The following MARCHF10 variants were observed in gnomAD, a reference collection of about 807,000 sequenced individuals.
MARCHF10 encodes the protein probable E3 ubiquitin-protein ligase MARCHF10.
A neutral mutation model predicts 76.2 loss-of-function variants in MARCHF10; 64 were observed. That is an observed-to-expected ratio of 0.84 (90% CI 0.69 to 1.03). MARCHF10 has a LOEUF of 1.03. Ranked by LOEUF, MARCHF10 falls within the 50% of genes least tolerant of loss-of-function variation. MARCHF10 has a pLI of 0.00. For synonymous variants in MARCHF10, 340 were observed against 357.5 expected, an observed-to-expected ratio of 0.95 and a Z score of 0.55; for missense variants, 875 against 958.0, an observed-to-expected ratio of 0.91 and a Z score of 1.14.
chr17:62,788,405 T>TCACACA, intron 3 of MARCHF10, 75 bp downstream of exon 3: 1 of 1,521,862 alleles, frequency 6.6e-7, no homozygotes, highest in Non-Finnish European at 9.0e-7. Context: ...TTTTCCTACA[T>TCACACA]CACACACACA....
Position 62,801,637 on chromosome 17 carries a change from T to C in MARCHF10, c.90+9A>G, listed in dbSNP as rs780301834. 5 of 1,611,672 alleles carry C rather than the reference T, an allele frequency of 3.1e-6. No homozygotes were observed. The highest frequency in any genetic ancestry group is 1.1e-5 in the South Asian group (1 of 91,052). On this transcript the variant is annotated intron_variant, in intron 2 of 10. Coordinates refer to ENST00000311269, the MANE Select transcript of MARCHF10 (RefSeq NM_152598.4). ...AAGGCAGAAGACCATTCTTGCTTTCTGCAATTACCTGATACTCAGAGTCCA... is the reference window on the plus strand; with the variant it reads ...AAGGCAGAAGACCATTCTTGCTTTCCGCAATTACCTGATACTCAGAGTCCA...
chr17:62,791,354 A>T (rs2092839082), intron 2 of MARCHF10, among the ~76,000 whole-genome samples: 1 of 152,232 alleles, frequency 6.6e-6, no homozygotes, highest in African/African-American at 2.4e-5. Flanking sequence ...GAAAATGCTG[A>T]TGGGCTGAAA....
At chr17:62,717,260 C>A (rs992264684) in intron 8 of MARCHF10, among the ~76,000 whole-genome samples, 1 of 152,224 alleles carries the variant, frequency 6.6e-6, no homozygotes, top group African/African-American at 2.4e-5. Context: ...AGCCCTCAGC[C>A]GCCTCCAGAC....
Position 62,760,088 on chromosome 17 carries a change from T to G in MARCHF10, c.211-82A>C, listed in dbSNP as rs150840368. The G allele has an allele frequency of 4.4e-6, 5 of 1,133,912 alleles. No homozygotes were observed. In the East Asian group the frequency reaches 1.2e-4, roughly 27 times the overall value. The allele number at this position is 1,133,912 out of a possible 1,614,324, so 70.2% of individuals were successfully genotyped here. A position where few individuals can be genotyped will look rare whatever the true frequency, so the allele number is the denominator to read the frequency against. ...GCAGAGAAAACAGAAATGAGGCAAATGCAGTGACCCTCTCCAGCAATAATC... is the reference window on the plus strand; with the variant it reads ...GCAGAGAAAACAGAAATGAGGCAAAGGCAGTGACCCTCTCCAGCAATAATC... On this transcript the variant is annotated intron_variant, in intron 3 of 10. Transcript: ENST00000311269.
Position 62,791,276 on chromosome 17 carries a change from G to A in MARCHF10, c.91-2677C>T, listed in dbSNP as rs562276852. Among the ~76,000 whole-genome samples the A allele has an allele frequency of 1.7e-4, 26 of 152,306 alleles. No homozygotes were observed. In the South Asian group the frequency reaches 1.9e-3, roughly 11 times the overall value. On this transcript the variant is annotated intron_variant, in intron 2 of 10. Coordinates refer to ENST00000311269, the MANE Select transcript of MARCHF10 (RefSeq NM_152598.4). ...TTGTGTTTGGAAAGAGCACTGGCGTGGAGTGTTGTTTCCGAAAGGGGCAGA... is the reference window on the plus strand; with the variant it reads ...TTGTGTTTGGAAAGAGCACTGGCGTAGAGTGTTGTTTCCGAAAGGGGCAGA...
Position 62,701,557 on chromosome 17 carries a change from A to G in MARCHF10, c.*146T>C, listed in dbSNP as rs2147507335. 2 of 1,550,484 alleles carry G rather than the reference A, an allele frequency of 1.3e-6. No homozygotes were observed. The highest frequency in any genetic ancestry group is 2.4e-5 in the South Asian group (2 of 84,106). On this transcript the variant is annotated 3_prime_UTR_variant, in exon 11 of 11. Transcript: ENST00000311269. Reference sequence around the variant, plus strand: ...CCATAGATGCTCAAGCCAGACCCCAAAAGAGAGTGGCACGAGGTGAAAATC... The same window carrying G: ...CCATAGATGCTCAAGCCAGACCCCAGAAGAGAGTGGCACGAGGTGAAAATC...
intron 2 of MARCHF10, chr17:62,794,910 T>C (rs1486098209): frequency 3.5e-6 from 2 of 575,302 alleles, no homozygotes; most frequent in South Asian, 7.6e-5. Context: ...TTAAAGTTCA[T>C]TAATTTTAAG....
At chr17:62,727,470 C>T (rs112365110) in intron 6 of MARCHF10, among the ~76,000 whole-genome samples, 4,974 of 151,794 alleles carry the variant, frequency 0.033, 106 homozygotes, top group Middle Eastern at 0.089. Flanking sequence ...GGAGTTCAAG[C>T]CCAGCCTGGG....
At chr17:62,792,490 T>TCACCAC (rs1055789334) in intron 2 of MARCHF10, among the ~76,000 whole-genome samples, 5 of 151,552 alleles carry the variant, frequency 3.3e-5, no homozygotes, top group Non-Finnish European at 7.4e-5. Flanking sequence ...ACCATCACCA[T>TCACCAC]CACCACCACC....
intron 9 of MARCHF10, 101 bp from the exon 10 acceptor site, chr17:62,705,682 C>T (rs1470656508): frequency 4.9e-6 from 7 of 1,430,526 alleles, no homozygotes; most frequent in Non-Finnish European, 6.8e-6. Flanking sequence ...GAATCCCTTA[C>T]ACCACTTTAA....
At chr17:62,792,045 A>G (rs2092852774) in intron 2 of MARCHF10, among the ~76,000 whole-genome samples, 1 of 152,128 alleles carries the variant, frequency 6.6e-6, no homozygotes. Context: ...CAGTCTTGAA[A>G]TTGAAGGCTT....
At chr17:62,776,401 C>T (rs1286149787) in intron 3 of MARCHF10, among the ~76,000 whole-genome samples, 1 of 152,184 alleles carries the variant, frequency 6.6e-6, no homozygotes, top group African/African-American at 2.4e-5. Context: ...GCTGTCTTGC[C>T]TGTGCGTTGA....
intron 2 of MARCHF10, among the ~76,000 whole-genome samples, chr17:62,799,959 C>T (rs1303841231): frequency 6.6e-6 from 1 of 152,214 alleles, no homozygotes; most frequent in Non-Finnish European, 1.5e-5. Context: ...TTCACCTCAA[C>T]AGTCAAGTGT....
chr17:62,759,501 C>T (rs534762620), intron 4 of MARCHF10, among the ~76,000 whole-genome samples: 13 of 152,264 alleles, frequency 8.5e-5, no homozygotes, highest in African/African-American at 2.4e-4. Context: ...ATTTTTGAGG[C>T]GGGGTCTTGC....
intron 3 of MARCHF10, among the ~76,000 whole-genome samples, chr17:62,761,798 G>C (rs2147959149): frequency 6.6e-6 from 1 of 152,268 alleles, no homozygotes; most frequent in South Asian, 2.1e-4. Context: ...TTTTAAGTAT[G>C]ACACCTAAGA....
intron 3 of MARCHF10, among the ~76,000 whole-genome samples, chr17:62,766,638 A>C (rs1040082136): frequency 6.6e-6 from 1 of 152,128 alleles, no homozygotes; most frequent in Non-Finnish European, 1.5e-5. Context: ...CCTTTATTTG[A>C]ATTCATATTC....
chr17:62,709,495 AC>A (rs370765746), intron 9 of MARCHF10, among the ~76,000 whole-genome samples: 9 of 152,150 alleles, frequency 5.9e-5, no homozygotes, highest in East Asian at 1.9e-4. Flanking sequence ...AAACAAAAAA[AC>A]AAAACAAAAA....
chr17:62,714,734 G>A (rs939721638), intron 8 of MARCHF10, among the ~76,000 whole-genome samples: 3 of 152,044 alleles, frequency 2.0e-5, no homozygotes, highest in East Asian at 3.9e-4. Context: ...AGGCAGTCCC[G>A]TCCCCTCCCC....
In MARCHF10 at chr17:62,734,210, A is replaced by T. The variant is rs139796929; in HGVS notation, c.1937+1721T>A. Reference sequence around the variant, plus strand: ...AAAAAAAAACAAAAAACATATAAACATATGGTAAAAGCTCAAAGCAAAAAA... The same window carrying T: ...AAAAAAAAACAAAAAACATATAAACTTATGGTAAAAGCTCAAAGCAAAAAA... On this transcript the variant is annotated intron_variant, in intron 6 of 10. Coordinates refer to ENST00000311269, the MANE Select transcript of MARCHF10 (RefSeq NM_152598.4). Among the ~76,000 whole-genome samples, 15 of 152,242 alleles carry T rather than the reference A, an allele frequency of 9.9e-5. No individual in the cohort carries two copies. The East Asian group carries it at 2.9e-3, about 29-fold the overall frequency.
Sources: gnomAD v4.1 joint callset for allele counts (sites outside exome capture counted in the v4.1 genomes callset) on GRCh38, gnomAD v4.1.1 for gene constraint, MANE v1.5 for transcripts, NCBI Gene and HGNC (gene_info 2026-07-23, HGNC 2026-07-21) for gene names.